PIEZO2: variants seen among roughly 807,000 people sequenced by gnomAD.
The protein encoded by PIEZO2 is piezo type mechanosensitive ion channel component 2.
A neutral mutation model predicts 337.3 loss-of-function variants in PIEZO2; 172 were observed. The ratio of observed to expected loss-of-function variants is 0.51; its 90% CI spans 0.45 to 0.58. The LOEUF is 0.58. Ranked by LOEUF, PIEZO2 falls within the 20% of genes least tolerant of loss-of-function variation. The pLI is 0.00. For missense variants in PIEZO2, 3,028 were observed against 3,391.3 expected (o/e 0.89, Z 2.66); for synonymous variants, 1,251 against 1,228.5 (o/e 1.02, Z -0.38).
rs2033825488 is a variant in PIEZO2 at position 10,672,581 on chromosome 18, G to A, written c.8345+109C>T. ...ACAAGGATGTGTGCATTTTAATACT[G>A]CAGCTCTAAAATTAGCGAATTCTAA... On this transcript the variant is annotated intron_variant, in intron 55 of 55. Coordinates refer to ENST00000674853, the MANE Select transcript of PIEZO2 (RefSeq NM_001378183.1). The surrounding 1 kb of genome is among the most constrained non-coding windows in gnomAD (Gnocchi z 4.7). 6 of 1,197,262 alleles carry A rather than the reference G, an allele frequency of 5.0e-6. No homozygotes were observed. Among genetic ancestry groups the A allele is most frequent in the Middle Eastern group, 2.3e-4 (1 of 4,352 alleles). 74.2% of individuals were successfully genotyped at this position (1,197,262 alleles called of 1,614,324 possible).
At chr18:10,866,434 C>A (rs564814828) in intron 5 of PIEZO2, among the ~76,000 whole-genome samples, 1 of 151,952 alleles carries the variant, frequency 6.6e-6, no homozygotes, top group Non-Finnish European at 1.5e-5. Flanking sequence ...TACAGGCACC[C>A]GCCACCACAC....
At chr18:11,086,559 T>TG (rs1478770512) in intron 1 of PIEZO2, among the ~76,000 whole-genome samples, 1 of 151,684 alleles carries the variant, frequency 6.6e-6, no homozygotes, top group Non-Finnish European at 1.5e-5. Flanking sequence ...AACAGGCTAA[T>TG]GAGACTGATA....
Position 11,078,370 on chromosome 18 carries a change from T to G in PIEZO2, c.65-12148A>C, listed in dbSNP as rs2038624954. On this transcript the variant is annotated intron_variant, in intron 1 of 55. Coordinates refer to ENST00000674853, the MANE Select transcript of PIEZO2 (RefSeq NM_001378183.1). The surrounding 1 kb of genome is among the most constrained non-coding windows in gnomAD (Gnocchi z 5.3). ...ATCCGCCTTGGACTGAGGTGTGCAT[T>G]AACACGAAAAGAAATCAATTCAACT... Among the ~76,000 whole-genome samples the G allele has an allele frequency of 6.6e-6, 1 of 152,326 alleles. No homozygotes were observed. Among genetic ancestry groups the G allele is most frequent in the African/African-American group, 2.4e-5 (1 of 41,584 alleles).
At chr18:10,917,159 G>A (rs1352880433) in intron 3 of PIEZO2, among the ~76,000 whole-genome samples, 1 of 151,920 alleles carries the variant, frequency 6.6e-6, no homozygotes, top group Non-Finnish European at 1.5e-5. Flanking sequence ...TATGCTCTCC[G>A]CAGCTGATGG....
chr18:10,849,137 C>G (rs951485008), intron 7 of PIEZO2, among the ~76,000 whole-genome samples: 1 of 152,142 alleles, frequency 6.6e-6, no homozygotes, highest in Non-Finnish European at 1.5e-5. Context: ...CTCAGCATCC[C>G]GAGTAGCTGG....
At chr18:11,100,153 G>C (rs902183405) in intron 1 of PIEZO2, among the ~76,000 whole-genome samples, 1 of 152,158 alleles carries the variant, frequency 6.6e-6, no homozygotes, top group African/African-American at 2.4e-5. Flanking sequence ...CATACATGAA[G>C]TTGTGCAATG....
At chr18:10,768,295 A>G (rs1338406266) in intron 21 of PIEZO2, among the ~76,000 whole-genome samples, 2 of 152,226 alleles carry the variant, frequency 1.3e-5, no homozygotes, top group East Asian at 1.9e-4. Flanking sequence ...CGCTGTGTTC[A>G]GGGACACGGA....
intron 1 of PIEZO2, among the ~76,000 whole-genome samples, chr18:11,117,026 T>A (rs1410984080): frequency 6.6e-6 from 1 of 151,710 alleles, no homozygotes; most frequent in Non-Finnish European, 1.5e-5. Flanking sequence ...AGAGAATCAT[T>A]TGAACCTGGG....
chr18:11,114,752 G>C (rs1598982301), intron 1 of PIEZO2, among the ~76,000 whole-genome samples: 1 of 152,038 alleles, frequency 6.6e-6, no homozygotes, highest in African/African-American at 2.4e-5. Flanking sequence ...GCAGTTAACA[G>C]GACGGGATAG....
chr18:10,891,328 A>T (rs1381812020), intron 4 of PIEZO2, among the ~76,000 whole-genome samples: 1 of 152,140 alleles, frequency 6.6e-6, no homozygotes, highest in Non-Finnish European at 1.5e-5. Flanking sequence ...GTTAAAAAAA[A>T]ATAAAAGAAA....
Position 10,870,417 on chromosome 18 carries a change from A to G in PIEZO2, c.492+836T>C, listed in dbSNP as rs985107056. Among the ~76,000 whole-genome samples the G allele has an allele frequency of 2.6e-5, 4 of 152,226 alleles. No homozygotes were observed. Among genetic ancestry groups the G allele is most frequent in the Non-Finnish European group, 4.4e-5 (3 of 68,028 alleles). On this transcript the variant is annotated intron_variant, in intron 5 of 55. Coordinates refer to ENST00000674853, the MANE Select transcript of PIEZO2 (RefSeq NM_001378183.1). This position sits in a 1 kb window ranked among gnomAD's most constrained non-coding sequence, Gnocchi z 5.3. ...AAGCTTATGACTGAAAACATTTAGT[A>G]CTTGCAAGCGTTTTGCATCAAATGT...
intron 2 of PIEZO2, among the ~76,000 whole-genome samples, chr18:11,056,107 C>A (rs912191088): frequency 6.6e-6 from 1 of 152,328 alleles, no homozygotes; most frequent in African/African-American, 2.4e-5. Flanking sequence ...CATGCTCTTG[C>A]AGTGGGGGCC....
chr18:11,126,863 CAG>C lies in PIEZO2; in HGVS notation c.64+21660_64+21661del, dbSNP rs1345495459. The stretch of plus-strand genomic sequence containing the variant: ...TGCCTGCATTTTACAGATGAGGAAA[CAG>C]AGACTGAAATGAATGGAGGAATGAA... On this transcript the variant is annotated intron_variant, in intron 1 of 55. Coordinates refer to ENST00000674853, the MANE Select transcript of PIEZO2 (RefSeq NM_001378183.1). The surrounding 1 kb of genome is among the most constrained non-coding windows in gnomAD (Gnocchi z 4.6). Among the ~76,000 whole-genome samples, 2 of 151,928 alleles carry C rather than the reference CAG, an allele frequency of 1.3e-5. No homozygotes were observed. The highest frequency in any genetic ancestry group is 2.9e-5 in the Non-Finnish European group (2 of 68,018).
At chr18:11,055,629 G>A (rs2037705385) in intron 2 of PIEZO2, among the ~76,000 whole-genome samples, 1 of 152,154 alleles carries the variant, frequency 6.6e-6, no homozygotes, top group Non-Finnish European at 1.5e-5. Context: ...GACTATTTGT[G>A]TAGTAATTTT....
rs1008236334 is a variant in PIEZO2 at position 10,671,385 on chromosome 18, G to A, written c.*142C>T. On this transcript the variant is annotated 3_prime_UTR_variant, in exon 56 of 56. Coordinates refer to ENST00000674853, the MANE Select transcript of PIEZO2 (RefSeq NM_001378183.1). ...TTGCAAGGTAGCTTTTACTGCAGAA[G>A]GATATCAGCTCCTTTTGTCTACCTA... The A allele has an allele frequency of 3.5e-6, 3 of 849,972 alleles. No homozygotes were observed. The highest frequency in any genetic ancestry group is 5.2e-6 in the Non-Finnish European group (3 of 579,480). The allele number at this position is 849,972 out of a possible 1,614,324, so 52.7% of individuals were successfully genotyped here. A position where few individuals can be genotyped will look rare whatever the true frequency, so the allele number is the denominator to read the frequency against.
chr18:10,705,822 G>C (rs114375198), intron 40 of PIEZO2, 76 bp from the exon 41 acceptor site: 4 of 1,421,042 alleles, frequency 2.8e-6, no homozygotes, highest in South Asian at 1.5e-5. Context: ...ATTCCTGAGA[G>C]ACCTCATCAG....
intron 2 of PIEZO2, among the ~76,000 whole-genome samples, chr18:11,060,626 C>T (rs2037913773): frequency 6.6e-6 from 1 of 152,204 alleles, no homozygotes; most frequent in Non-Finnish European, 1.5e-5. Context: ...ATACTATAAA[C>T]ACCTCTATGC....
At chr18:10,967,096 C>T (rs771567241) in intron 3 of PIEZO2, among the ~76,000 whole-genome samples, 1 of 147,038 alleles carries the variant, frequency 6.8e-6, no homozygotes, top group Non-Finnish European at 1.5e-5. Flanking sequence ...CGGCTCACTG[C>T]AACTTCTGCC....
At chr18:11,052,056 T>C (rs966084800) in intron 2 of PIEZO2, among the ~76,000 whole-genome samples, 6 of 152,206 alleles carry the variant, frequency 3.9e-5, no homozygotes, top group Admixed American at 2.0e-4. Flanking sequence ...TTAGTTTAAG[T>C]GATTTTTATT....
Sources: gnomAD v4.1 joint callset for allele counts (sites outside exome capture counted in the v4.1 genomes callset) on GRCh38, gnomAD v4.1.1 for gene constraint, Gnocchi (gnomAD v3.1) non-coding constraint, MANE v1.5 for transcripts, NCBI Gene and HGNC (gene_info 2026-07-23, HGNC 2026-07-21) for gene names.